Variants in LRPPRC observed in about 807,000 individuals in gnomAD.
LRPPRC encodes leucine-rich PPR motif-containing protein, mitochondrial.
In LRPPRC, 120 loss-of-function variants were observed where a neutral mutation model predicts 180.3. That is an observed-to-expected ratio of 0.67 (90% confidence interval 0.57 to 0.77). The LOEUF is 0.77. Ranked by LOEUF, LRPPRC falls within the 30% of genes least tolerant of loss-of-function variation. The pLI is 0.00. For synonymous variants in LRPPRC, 723 were observed against 600.0 expected (o/e 1.21, Z -3.00); for missense variants, 2,012 against 1,657.2 (o/e 1.21, Z -3.72).
intron 14 of LRPPRC, among the ~76,000 whole-genome samples, chr2:43,954,448 G>A (rs577629852): frequency 8.5e-5 from 13 of 152,198 alleles, no homozygotes; most frequent in Non-Finnish European, 8.8e-5. Context: ...GCATTGTAAT[G>A]TCTAATACTT....
In LRPPRC at chr2:43,888,494, A is replaced by G. The variant is rs867369307; in HGVS notation, c.*106T>C. 1.2e-5 allele frequency: 9 copies of G among 733,914 alleles called. No individual in the cohort carries two copies. Among genetic ancestry groups the G allele is most frequent in the African/African-American group, 8.7e-5 (5 of 57,568 alleles). 45.5% of individuals were successfully genotyped at this position (733,914 alleles called of 1,614,324 possible). ...TTTGAACATGCATCACACATACATA[A>G]GTACATAAAGAAAATTTTCATTTAT... On this transcript the variant is annotated 3_prime_UTR_variant, in exon 38 of 38. Transcript: ENST00000260665.
intron 23 of LRPPRC, among the ~76,000 whole-genome samples, chr2:43,937,578 C>G (rs1319959085): frequency 6.6e-6 from 1 of 152,172 alleles, no homozygotes; most frequent in African/African-American, 2.4e-5. Context: ...AGTCATAGGA[C>G]TTTGGATTTC....
Position 43,988,789 on chromosome 2 carries a change from C to T in LRPPRC, c.150-6355G>A, listed in dbSNP as rs141380604. ...CGATCTCCTGACCTCGTGATCCGCC[C>T]GCCTGAGCCTCCCAAAGTGTTGGGA... On this transcript the variant is annotated intron_variant, in intron 1 of 37. Coordinates refer to ENST00000260665, the MANE Select transcript of LRPPRC (RefSeq NM_133259.4). Among the ~76,000 whole-genome samples the T allele has an allele frequency of 1.8e-4, 28 of 152,172 alleles. No individual in the cohort carries two copies. In the East Asian group the frequency reaches 3.9e-3, roughly 21 times the overall value.
intron 35 of LRPPRC, among the ~76,000 whole-genome samples, chr2:43,895,261 G>A (rs1670639654): frequency 6.6e-6 from 1 of 152,160 alleles, no homozygotes; most frequent in African/African-American, 2.4e-5. Flanking sequence ...ACCAAGAGGA[G>A]CAAAATCTGG....
rs757273350 is a variant in LRPPRC, at chr2:43,905,780, G to A, written c.3276C>T (p.Phe1092=). Residue 1092 remains phenylalanine, a splice_region_variant and synonymous_variant, in exon 31 of 38, where the codon TTC becomes TTT. Coordinates refer to ENST00000260665, the MANE Select transcript of LRPPRC (RefSeq NM_133259.4). The part of the protein sequence containing the change: ...YFTQAMEVKA[F]AETHIKGFTL... ...TGAAGCCCTTGATGTGGGTCTCCGC[G>A]CTAAAAGAAGCAGACATTTAGAAAG... 4.4e-6 allele frequency: 7 copies of A among 1,592,916 alleles called. No homozygotes were observed. Among genetic ancestry groups the A allele is most frequent in the East Asian group, 2.2e-5 (1 of 44,780 alleles).
intron 32 of LRPPRC, 51 bp from the exon 33 acceptor site, chr2:43,899,656 A>G (rs2104990251): frequency 7.9e-7 from 1 of 1,259,752 alleles, no homozygotes; most frequent in Non-Finnish European, 1.2e-6. Context: ...TGTTAATATT[A>G]CAGGCAGTTT....
intron 1 of LRPPRC, among the ~76,000 whole-genome samples, chr2:43,990,379 G>C (rs1674721165): frequency 6.6e-6 from 1 of 152,110 alleles, no homozygotes; most frequent in Admixed American, 6.5e-5. Flanking sequence ...CCTCGTTGAA[G>C]GCCTATTACT....
chr2:43,963,058 T>C (rs181506325), intron 12 of LRPPRC, among the ~76,000 whole-genome samples: 14 of 152,358 alleles, frequency 9.2e-5, no homozygotes, highest in Non-Finnish European at 1.9e-4. Context: ...GTCTTTTTAA[T>C]ACACAAGAAA....
intron 29 of LRPPRC, among the ~76,000 whole-genome samples, chr2:43,917,302 G>C (rs1671508526): frequency 6.6e-6 from 1 of 151,832 alleles, no homozygotes; most frequent in Admixed American, 6.6e-5. Context: ...GGAGGCTGAA[G>C]CCTCCCAAAG....
chr2:43,950,425 T>G (rs1672854505), intron 15 of LRPPRC, 148 bp downstream of exon 15: 3 of 703,458 alleles, frequency 4.3e-6, no homozygotes, highest in Non-Finnish European at 7.8e-6. Flanking sequence ...AAGACACACA[T>G]AACTATTATT....
Position 43,974,211 on chromosome 2 carries a change from T to C in LRPPRC, c.1094A>G (p.Lys365Arg). 1 of 1,612,504 alleles carries C rather than the reference T, an allele frequency of 6.2e-7. No individual in the cohort carries two copies. The highest frequency in any genetic ancestry group is 8.5e-7 in the Non-Finnish European group (1 of 1,178,494). The change falls in exon 9 of 38, where the codon AAG becomes AGG. Residue 365 changes from lysine (K) to arginine (R), a missense_variant. By Grantham distance (26) the Lys-to-Arg change is conservative. Coordinates refer to ENST00000260665, the MANE Select transcript of LRPPRC (RefSeq NM_133259.4). ...GCCAAAGACACTTGGGCCATCTTCCTTTGATACGGGGCATGCTAGTAAAAT... is the reference window on the plus strand; with the variant it reads ...GCCAAAGACACTTGGGCCATCTTCCCTTGATACGGGGCATGCTAGTAAAAT... The part of the protein sequence containing the change: ...LQILLACPVS[K>R]EDGPSVFGSF...
intron 23 of LRPPRC, among the ~76,000 whole-genome samples, chr2:43,938,628 T>G (rs367871642): frequency 3.9e-4 from 60 of 152,314 alleles, no homozygotes; most frequent in African/African-American, 1.2e-3. Context: ...ATGGCAAATC[T>G]GATAGTACCA....
chr2:43,909,159 G>A (rs928974279), intron 30 of LRPPRC, among the ~76,000 whole-genome samples: 1 of 152,184 alleles, frequency 6.6e-6, no homozygotes, highest in Non-Finnish European at 1.5e-5. Context: ...TTTCACTTCT[G>A]AATTTTCAGT....
At chr2:43,939,669 T>A (rs1301850404) in intron 23 of LRPPRC, among the ~76,000 whole-genome samples, 1 of 152,238 alleles carries the variant, frequency 6.6e-6, no homozygotes, top group Non-Finnish European at 1.5e-5. Flanking sequence ...TTTTTTCTGT[T>A]CATCATCTAT....
chr2:43,892,801 TA>T (rs1670538473), intron 36 of LRPPRC: 1 of 150,120 alleles, frequency 6.7e-6, no homozygotes, highest in East Asian at 1.9e-4. Context: ...GTTTTAAACA[TA>T]AAATTAAAAA....
chr2:43,899,442 C>G (rs1242104421), intron 33 of LRPPRC, 24 bp downstream of exon 33: 1 of 1,614,008 alleles, frequency 6.2e-7, no homozygotes, highest in East Asian at 2.2e-5. Flanking sequence ...CTTGTGTGTT[C>G]TTTAGCACAA....
intron 27 of LRPPRC, among the ~76,000 whole-genome samples, chr2:43,919,430 T>A (rs998483240): frequency 1.3e-5 from 2 of 152,228 alleles, no homozygotes; most frequent in Non-Finnish European, 2.9e-5. Context: ...TAGAGAATTG[T>A]CTATGTTTCT....
intron 29 of LRPPRC, 72 bp from the exon 30 acceptor site, chr2:43,912,630 G>A: frequency 7.3e-7 from 1 of 1,377,466 alleles, no homozygotes; most frequent in Non-Finnish European, 1.0e-6. Flanking sequence ...AAAAAATCCT[G>A]AAACAAAGAC....
Position 43,963,721 on chromosome 2 carries a change from G to A in LRPPRC, c.1370-15C>T, listed in dbSNP as rs959580939. ...TTCAATTATACCTACCAAATAAAATGTAGAAGCACAGAGATAGAGAACTTA... is the reference window on the plus strand; with the variant it reads ...TTCAATTATACCTACCAAATAAAATATAGAAGCACAGAGATAGAGAACTTA... On this transcript the variant is annotated splice_polypyrimidine_tract_variant and intron_variant, in intron 11 of 37. Coordinates refer to ENST00000260665, the MANE Select transcript of LRPPRC (RefSeq NM_133259.4). 4.7e-6 allele frequency: 6 copies of A among 1,273,996 alleles called. No homozygotes were observed. In the Admixed American group the frequency reaches 5.0e-5, roughly 11 times the overall value. The allele number at this position is 1,273,996 out of a possible 1,614,324, so 78.9% of individuals were successfully genotyped here.
Sources: allele counts gnomAD v4.1 joint callset (sites outside exome capture counted in the v4.1 genomes callset), GRCh38; gene constraint gnomAD v4.1.1; transcripts MANE v1.5; gene names NCBI Gene and HGNC (gene_info 2026-07-23, HGNC 2026-07-21).